QTMAN: variants seen among roughly 807,000 people sequenced by gnomAD.
QTMAN encodes the protein queuosine-tRNA mannosyltransferase, also known as tRNA-queuosine alpha-mannosyltransferase.
At chr2:144,190,435 G>T in the QTMAN span, among the ~76,000 whole-genome samples, 1 of 152,296 alleles carries the variant, frequency 6.6e-6, no homozygotes, top group South Asian at 2.1e-4. Flanking sequence ...ATGTGAATAA[G>T]AATTTATTTA....
At chr2:144,297,020 T>C in the QTMAN span, among the ~76,000 whole-genome samples, 1 of 152,222 alleles carries the variant, frequency 6.6e-6, no homozygotes, top group Non-Finnish European at 1.5e-5. Flanking sequence ...ATTATTACTG[T>C]TTTAGTTTTA....
the QTMAN span, chr2:144,177,267 C>T: frequency 1.1e-5 from 6 of 545,902 alleles, no homozygotes; most frequent in African/African-American, 1.1e-4. Flanking sequence ...AAAAAAAAAA[C>T]ATTGTTTTTG....
chr2:144,274,907 AGTACT>A, the QTMAN span, among the ~76,000 whole-genome samples: 1 of 152,180 alleles, frequency 6.6e-6, no homozygotes, highest in Non-Finnish European at 1.5e-5. Flanking sequence ...TGTAGGGAGC[AGTACT>A]GCGGGACTGA....
chr2:143,964,368 T>C, the QTMAN span, among the ~76,000 whole-genome samples: 2 of 152,306 alleles, frequency 1.3e-5, no homozygotes, highest in Admixed American at 1.3e-4. Context: ...GTTTATTCAA[T>C]CTTACTAGTA....
the QTMAN span, among the ~76,000 whole-genome samples, chr2:144,326,383 T>C: frequency 3.3e-5 from 5 of 151,900 alleles, no homozygotes; most frequent in African/African-American, 4.8e-5. Context: ...GTCAGTAGAT[T>C]GAGACCATCC....
chr2:144,084,364 C>A, the QTMAN span, among the ~76,000 whole-genome samples: 2 of 152,300 alleles, frequency 1.3e-5, no homozygotes, highest in South Asian at 4.1e-4. Context: ...GAAGTAAAAG[C>A]AATAGTTTTG....
the QTMAN span, among the ~76,000 whole-genome samples, chr2:144,169,972 A>G: frequency 6.6e-6 from 1 of 152,224 alleles, no homozygotes; most frequent in African/African-American, 2.4e-5. Flanking sequence ...ATCTTACCCC[A>G]GTTTTTTTCC....
At chr2:144,124,514 G>C in the QTMAN span, among the ~76,000 whole-genome samples, 1 of 152,080 alleles carries the variant, frequency 6.6e-6, no homozygotes, top group Admixed American at 6.6e-5. Flanking sequence ...GCATTACTAA[G>C]CCACAGAGTG....
chr2:144,165,685 T>A, the QTMAN span, among the ~76,000 whole-genome samples: 1 of 152,200 alleles, frequency 6.6e-6, no homozygotes, highest in African/African-American at 2.4e-5. Context: ...ACAGAATTCT[T>A]CATCTAATTC....
At chr2:144,231,663 AG>A in the QTMAN span, among the ~76,000 whole-genome samples, 2 of 152,140 alleles carry the variant, frequency 1.3e-5, no homozygotes. Flanking sequence ...GTGTGTAGTT[AG>A]AATAAATAAA....
chr2:144,251,609 ATAAAACT>A, the QTMAN span, among the ~76,000 whole-genome samples: 2 of 152,216 alleles, frequency 1.3e-5, no homozygotes, highest in East Asian at 3.8e-4. Context: ...AACATAAAAC[ATAAAACT>A]ATAAACCTAC....
chr2:144,332,604 T>G, the QTMAN span: 1 of 149,642 alleles, frequency 6.7e-6, no homozygotes, highest in African/African-American at 2.4e-5. Context: ...GTCCCGCCCC[T>G]CGGCCCGCCC....
At chr2:144,150,365 T>A in the QTMAN span, among the ~76,000 whole-genome samples, 1 of 152,092 alleles carries the variant, frequency 6.6e-6, no homozygotes. Context: ...CTGTATTTTC[T>A]GTGATGCAGT....
the QTMAN span, among the ~76,000 whole-genome samples, chr2:144,031,514 G>T: frequency 6.6e-6 from 1 of 152,124 alleles, no homozygotes; most frequent in African/African-American, 2.4e-5. Flanking sequence ...CTGAATTTTG[G>T]AAGGAAGAGC....
At chr2:144,010,566 AT>A in the QTMAN span, among the ~76,000 whole-genome samples, 1 of 152,228 alleles carries the variant, frequency 6.6e-6, no homozygotes, top group Admixed American at 6.6e-5. Context: ...AACTGATGCC[AT>A]TTAGTTCTGG....
At chr2:144,126,391 C>A in the QTMAN span, among the ~76,000 whole-genome samples, 1 of 151,888 alleles carries the variant, frequency 6.6e-6, no homozygotes, top group African/African-American at 2.4e-5. Flanking sequence ...TAAAGCTCTC[C>A]AGGTGATTAT....
the QTMAN span, among the ~76,000 whole-genome samples, chr2:144,000,874 G>A: frequency 6.6e-6 from 1 of 151,946 alleles, no homozygotes; most frequent in African/African-American, 2.4e-5. Flanking sequence ...AAGAACATTA[G>A]TGTCCAAAAA....
chr2:144,274,298 G>A, the QTMAN span, among the ~76,000 whole-genome samples: 1 of 152,158 alleles, frequency 6.6e-6, no homozygotes, highest in Non-Finnish European at 1.5e-5. Context: ...AATTTCCTGA[G>A]TGATAGGAGA....
the QTMAN span, among the ~76,000 whole-genome samples, chr2:144,053,282 A>G: frequency 1.3e-5 from 2 of 152,178 alleles, no homozygotes; most frequent in African/African-American, 4.8e-5. Flanking sequence ...GGGTTGGAGT[A>G]AAAAAACAAA....
Sources: allele counts gnomAD v4.1 joint callset (sites outside exome capture counted in the v4.1 genomes callset), GRCh38; gene constraint gnomAD v4.1.1; transcripts MANE v1.5; gene names NCBI Gene and HGNC (gene_info 2026-07-23, HGNC 2026-07-21).